MTMR12: variants seen among roughly 807,000 people sequenced by gnomAD.
MTMR12 encodes myotubularin related protein 12.
In MTMR12, 33 loss-of-function variants were observed where a neutral mutation model predicts 96.7. The observed-to-expected ratio is 0.34, with a 90% CI of 0.26 to 0.46. The LOEUF (loss-of-function observed/expected upper bound fraction) is 0.46, where lower values mean the gene tolerates loss of function less well. Ranked by LOEUF, MTMR12 falls within the 20% of genes least tolerant of loss-of-function variation. The pLI is 1.00. For synonymous variants in MTMR12, 298 were observed against 327.2 expected, an observed-to-expected ratio of 0.91 and a Z score of 0.96; for missense variants, 721 against 896.1, an observed-to-expected ratio of 0.80 and a Z score of 2.49.
At chr5:32,297,472 C>A (rs1197912945) in intron 1 of MTMR12, among the ~76,000 whole-genome samples, 1 of 152,142 alleles carries the variant, frequency 6.6e-6, no homozygotes, top group Non-Finnish European at 1.5e-5. Flanking sequence ...TTACCCCCAA[C>A]AGCTAAGCAA....
At chr5:32,239,443 C>T (rs1748376397) in intron 12 of MTMR12, among the ~76,000 whole-genome samples, 1 of 152,214 alleles carries the variant, frequency 6.6e-6, no homozygotes, top group Non-Finnish European at 1.5e-5. Flanking sequence ...ATAAATGCAG[C>T]ACTGCAAAGC....
chr5:32,309,590 G>C (rs2111556113), intron 1 of MTMR12: 1 of 151,874 alleles, frequency 6.6e-6, no homozygotes, highest in Admixed American at 6.6e-5. Context: ...TATACAAATG[G>C]CAAAAAAAGG....
chr5:32,242,218 T>C (rs996553032), intron 11 of MTMR12, 91 bp from the exon 12 acceptor site: 1 of 853,050 alleles, frequency 1.2e-6, no homozygotes, highest in Non-Finnish European at 1.8e-6. Flanking sequence ...TGACTTGATC[T>C]TCAGTCTTCT....
intron 9 of MTMR12, 70 bp downstream of exon 9, chr5:32,248,702 A>T: frequency 8.5e-7 from 1 of 1,173,650 alleles, no homozygotes; most frequent in Non-Finnish European, 1.3e-6. Flanking sequence ...TAGACATACT[A>T]CTAAGAGCTG....
At chr5:32,244,447 T>C (rs141807550) in intron 10 of MTMR12, among the ~76,000 whole-genome samples, 3,565 of 152,044 alleles carry the variant, frequency 0.023, 54 homozygotes, top group African/African-American at 0.032. Flanking sequence ...AAAAATTAGC[T>C]GGGGGTGGTG....
chr5:32,255,559 C>T (rs1340083210), intron 8 of MTMR12, 134 bp downstream of exon 8: 1 of 789,850 alleles, frequency 1.3e-6, no homozygotes. Flanking sequence ...CTAGGGAGTC[C>T]CTAAGATATT....
chr5:32,299,081 A>G (rs1000120341), intron 1 of MTMR12, among the ~76,000 whole-genome samples: 1 of 151,796 alleles, frequency 6.6e-6, no homozygotes, highest in African/African-American at 2.4e-5. Context: ...ACACATACAC[A>G]CACACGCACA....
At chr5:32,240,328 G>A (rs1007455584) in intron 12 of MTMR12, among the ~76,000 whole-genome samples, 1 of 150,432 alleles carries the variant, frequency 6.6e-6, no homozygotes, top group African/African-American at 2.5e-5. Context: ...GAACCAGGGA[G>A]ACAGAGGTTG....
intron 15 of MTMR12, chr5:32,232,949 A>C: frequency 1.0e-6 from 1 of 984,054 alleles, no homozygotes. Flanking sequence ...ACACACATCG[A>C]CTTAGACTTA....
chr5:32,230,377 T>C (rs995047219), intron 15 of MTMR12, 30 bp from the exon 16 acceptor site: 3 of 1,556,496 alleles, frequency 1.9e-6, no homozygotes, highest in Non-Finnish European at 2.6e-6. Context: ...TAAAAATCAC[T>C]GGTTAACATA....
intron 1 of MTMR12, among the ~76,000 whole-genome samples, chr5:32,294,469 ATT>A (rs201717350): frequency 2.0e-5 from 3 of 146,812 alleles, no homozygotes; most frequent in African/African-American, 7.5e-5. Context: ...CATCTGGTTA[ATT>A]TTTTTTTTTA....
intron 1 of MTMR12, among the ~76,000 whole-genome samples, chr5:32,285,451 C>A (rs1401440414): frequency 6.6e-6 from 1 of 151,898 alleles, no homozygotes; most frequent in African/African-American, 2.4e-5. Context: ...TAGGTGTGAG[C>A]CCCCTGCCCC....
Position 32,229,767 on chromosome 5 carries a change from C to A in MTMR12, c.*11G>T. On this transcript the variant is annotated 3_prime_UTR_variant, in exon 16 of 16. Transcript: ENST00000382142. ...CCCACATTCCTCTTTCACAATCACT[C>A]AACAAACAGGTCACACATCCCCTAG... 6.6e-7 allele frequency: 1 copy of A among 1,512,768 alleles called. No individual in the cohort carries two copies. Among genetic ancestry groups the A allele is most frequent in the South Asian group, 1.3e-5 (1 of 74,176 alleles). 93.7% of individuals were successfully genotyped at this position (1,512,768 alleles called of 1,614,324 possible). A position where few individuals can be genotyped will look rare whatever the true frequency, so the allele number is the denominator to read the frequency against.
intron 7 of MTMR12, among the ~76,000 whole-genome samples, chr5:32,259,645 A>G (rs1749279514): frequency 6.6e-6 from 1 of 152,202 alleles, no homozygotes. Flanking sequence ...AAATAACAAC[A>G]AACTTGCCAT....
chr5:32,250,886 C>T (rs1401789406), intron 8 of MTMR12, among the ~76,000 whole-genome samples: 2 of 152,274 alleles, frequency 1.3e-5, no homozygotes, highest in South Asian at 4.1e-4. Flanking sequence ...AGGCTTCTCA[C>T]AGAAATTTAG....
At chr5:32,259,811 G>T (rs1051082008) in intron 7 of MTMR12, among the ~76,000 whole-genome samples, 21 of 152,164 alleles carry the variant, frequency 1.4e-4, no homozygotes, top group Admixed American at 1.1e-3. Context: ...TGAGGCAGGC[G>T]GATCACTTGA....
chr5:32,304,400 G>C (rs1233426439), intron 1 of MTMR12, among the ~76,000 whole-genome samples: 2 of 152,018 alleles, frequency 1.3e-5, no homozygotes, highest in African/African-American at 2.4e-5. Flanking sequence ...CTTATAAATG[G>C]AATCATTGCT....
intron 2 of MTMR12, among the ~76,000 whole-genome samples, chr5:32,275,306 C>A (rs1300844836): frequency 6.6e-6 from 1 of 152,080 alleles, no homozygotes; most frequent in Non-Finnish European, 1.5e-5. Context: ...GAAGACAGGG[C>A]CTCATTAGGG....
intron 3 of MTMR12, among the ~76,000 whole-genome samples, chr5:32,272,554 G>GT (rs1205816876): frequency 6.6e-6 from 1 of 151,814 alleles, no homozygotes; most frequent in Non-Finnish European, 1.5e-5. Flanking sequence ...TAATTTTTGT[G>GT]TTTTTTTAGA....
Sources: gnomAD v4.1 joint callset for allele counts (sites outside exome capture counted in the v4.1 genomes callset) on GRCh38, gnomAD v4.1.1 for gene constraint, MANE v1.5 for transcripts, NCBI Gene and HGNC (gene_info 2026-07-23, HGNC 2026-07-21) for gene names.